The following INTS7 variants were observed in gnomAD, a reference collection of about 807,000 sequenced individuals.
INTS7 encodes chromosome 1 open reading frame 73.
INTS7 carries 46 observed loss-of-function variants against 109.2 expected under a neutral mutation model. The observed-to-expected ratio is 0.42, with a 90% CI of 0.33 to 0.54. The LOEUF (loss-of-function observed/expected upper bound fraction) is 0.54. INTS7 is among the 20% of genes least tolerant of loss of function. The probability of loss-of-function intolerance (pLI) is 0.07; values close to 1 mark genes in which losing one functional copy is unlikely to be tolerated. For missense variants in INTS7, 929 were observed against 1,132.4 expected, an observed-to-expected ratio of 0.82 and a Z score of 2.58; for synonymous variants, 412 against 402.9, an observed-to-expected ratio of 1.02 and a Z score of -0.27.
rs142108455 is a variant in INTS7, at chr1:211,942,838, A to T, written c.2602-727T>A. Among the ~76,000 whole-genome samples the T allele has an allele frequency of 4.6e-5, 7 of 152,358 alleles. No homozygotes were observed. The East Asian group carries it at 1.3e-3, about 29-fold the overall frequency. On this transcript the variant is annotated intron_variant, in intron 19 of 19. Coordinates refer to ENST00000366994, the MANE Select transcript of INTS7 (RefSeq NM_015434.4). The surrounding 1 kb of genome is among the most constrained non-coding windows in gnomAD (Gnocchi z 4.2). ...GTACTCTTACCTGTACCCAAGATGA[A>T]ACGTGTCAAGAGACAGATTTATCCT...
In INTS7 at chr1:211,978,290, G is replaced by A; in HGVS notation, c.1452C>T (p.Asp484=). The A allele has an allele frequency of 1.2e-6, 2 of 1,614,150 alleles. No individual in the cohort carries two copies. The highest frequency in any genetic ancestry group is 8.5e-7 in the Non-Finnish European group (1 of 1,179,998). ...LYKVIGRSAT[D]KQQELLVSLA... ...TTTTTACCAGAAGTTCTTGTTGCTTGTCTGTGGCTGATCGTCCAATCACCT... is the reference window on the plus strand; with the variant it reads ...TTTTTACCAGAAGTTCTTGTTGCTTATCTGTGGCTGATCGTCCAATCACCT... The change falls in exon 11 of 20, where the codon GAC becomes GAT. Residue 484 remains aspartate (D), a synonymous_variant. Coordinates refer to ENST00000366994, the MANE Select transcript of INTS7 (RefSeq NM_015434.4).
intron 4 of INTS7, among the ~76,000 whole-genome samples, chr1:212,015,245 T>C (rs1384920856): frequency 1.3e-5 from 2 of 152,022 alleles, no homozygotes; most frequent in Non-Finnish European, 2.9e-5. Flanking sequence ...ATGACGACGA[T>C]GGGGGTTTTG....
At chr1:211,967,655 T>C (rs1490669899) in intron 15 of INTS7, among the ~76,000 whole-genome samples, 3 of 152,148 alleles carry the variant, frequency 2.0e-5, no homozygotes, top group African/African-American at 7.2e-5. Flanking sequence ...GGATGCTCTT[T>C]CTGGATATAA....
chr1:211,968,068 C>T (rs1311466397), intron 14 of INTS7, 87 bp from the exon 15 acceptor site: 1 of 622,624 alleles, frequency 1.6e-6, no homozygotes, highest in Non-Finnish European at 2.7e-6. Context: ...AAAGCACCTT[C>T]AAACAATAAC....
intron 1 of INTS7, among the ~76,000 whole-genome samples, chr1:212,029,649 A>G (rs1414928316): frequency 6.6e-6 from 1 of 152,286 alleles, no homozygotes; most frequent in East Asian, 1.9e-4. Flanking sequence ...AACCATCAAC[A>G]TAACTAACAT....
At chr1:211,989,286 T>C (rs997614066) in intron 7 of INTS7, among the ~76,000 whole-genome samples, 7 of 151,646 alleles carry the variant, frequency 4.6e-5, no homozygotes, top group Non-Finnish European at 1.0e-4. Flanking sequence ...TAGAATTTAA[T>C]ATATGATAAT....
At chr1:212,012,726 A>G (rs890924825) in intron 4 of INTS7, among the ~76,000 whole-genome samples, 3 of 152,230 alleles carry the variant, frequency 2.0e-5, no homozygotes, top group Non-Finnish European at 2.9e-5. Context: ...CAAGTGAAGA[A>G]TCTTGCTGTT....
chr1:211,996,280 G>A (rs966233310), intron 7 of INTS7, among the ~76,000 whole-genome samples: 1 of 152,056 alleles, frequency 6.6e-6, no homozygotes, highest in African/African-American at 2.4e-5. Flanking sequence ...AAATTAGCCA[G>A]GCATGGTGGT....
At chr1:211,966,197 T>C in intron 16 of INTS7, 1 of 311,082 alleles carries the variant, frequency 3.2e-6, no homozygotes, top group South Asian at 9.0e-5. Context: ...AAATTGCTCA[T>C]ATTCAAAGAA....
chr1:211,977,159 G>A (rs527328675), intron 11 of INTS7, among the ~76,000 whole-genome samples: 1 of 152,212 alleles, frequency 6.6e-6, no homozygotes, highest in East Asian at 1.9e-4. Flanking sequence ...AGAATAACAG[G>A]CATGAGAATG....
At chr1:212,019,106 T>C (rs1459230498) in intron 3 of INTS7, among the ~76,000 whole-genome samples, 1 of 151,986 alleles carries the variant, frequency 6.6e-6, no homozygotes, top group Non-Finnish European at 1.5e-5. Flanking sequence ...AAAAAGATAG[T>C]TGAGTGTGGT....
chr1:212,006,393 T>C (rs762485684), intron 7 of INTS7, among the ~76,000 whole-genome samples: 22 of 152,156 alleles, frequency 1.4e-4, no homozygotes, highest in Non-Finnish European at 2.8e-4. Flanking sequence ...AGTGCCACTA[T>C]GGGAGAATGA....
intron 7 of INTS7, among the ~76,000 whole-genome samples, chr1:211,997,810 T>C (rs946874828): frequency 1.3e-4 from 19 of 145,690 alleles, no homozygotes; most frequent in Admixed American, 2.8e-4. Context: ...ACCTGGGAGG[T>C]GGAGGCTGCA....
intron 1 of INTS7, among the ~76,000 whole-genome samples, chr1:212,028,736 T>C (rs968030207): frequency 6.6e-6 from 1 of 152,230 alleles, no homozygotes; most frequent in African/African-American, 2.4e-5. Context: ...ATGATACACA[T>C]GAAGTGCTTA....
chr1:212,020,347 A>C, intron 2 of INTS7, 79 bp from the exon 3 acceptor site: 1 of 816,950 alleles, frequency 1.2e-6, no homozygotes, highest in Non-Finnish European at 1.9e-6. Context: ...AATAATATTA[A>C]ATTTTAGCAA....
Position 211,946,063 on chromosome 1 carries a change from C to G in INTS7, c.2415+544G>C, listed in dbSNP as rs1349210751. Among the ~76,000 whole-genome samples the G allele has an allele frequency of 6.6e-6, 1 of 152,142 alleles. No homozygotes were observed. Among genetic ancestry groups the G allele is most frequent in the Non-Finnish European group, 1.5e-5 (1 of 68,020 alleles). ...AGACAAACAACAGAGCTCCAGTTAC[C>G]CAAATGCCTGTCTCATAGAATTTGG... On this transcript the variant is annotated intron_variant, in intron 18 of 19. Transcript: ENST00000366994. The surrounding 1 kb of genome is among the most constrained non-coding windows in gnomAD (Gnocchi z 4.3).
chr1:211,988,266 C>T (rs748645586), intron 7 of INTS7, among the ~76,000 whole-genome samples: 35 of 151,260 alleles, frequency 2.3e-4, no homozygotes, highest in Non-Finnish European at 4.1e-4. Context: ...TACAAAAATT[C>T]GAAAAATTAG....
chr1:211,978,452 T>C lies in INTS7; in HGVS notation c.1290A>G (p.Val430=), dbSNP rs776043915. Reference sequence around the variant, plus strand: ...GCAATTGAGTCAACAAGGTCTCAACTACTGACTGGCTAAGATGGGGCCTGC... The same window carrying C: ...GCAATTGAGTCAACAAGGTCTCAACCACTGACTGGCTAAGATGGGGCCTGC... ...AKGRPHLSQS[V]VETLLTQLHS... Residue 430 remains valine (V), a synonymous_variant, in exon 11 of 20, where the codon GTA becomes GTG. Transcript: ENST00000366994. The C allele has an allele frequency of 6.2e-7, 1 of 1,614,234 alleles. No homozygotes were observed.
chr1:212,011,214 C>T (rs1423767757), intron 5 of INTS7, among the ~76,000 whole-genome samples, 161 bp downstream of exon 5: 1 of 152,046 alleles, frequency 6.6e-6, no homozygotes, highest in Non-Finnish European at 1.5e-5. Context: ...TTTGCTCATT[C>T]CTGTATCCTC....
Sources: gnomAD v4.1 joint callset for allele counts (sites outside exome capture counted in the v4.1 genomes callset) on GRCh38, gnomAD v4.1.1 for gene constraint, Gnocchi (gnomAD v3.1) non-coding constraint, MANE v1.5 for transcripts, NCBI Gene and HGNC (gene_info 2026-07-23, HGNC 2026-07-21) for gene names.